PDE1C: variants seen among roughly 807,000 people sequenced by gnomAD.
PDE1C encodes the protein dual specificity calcium/calmodulin-dependent 3',5'-cyclic nucleotide phosphodiesterase 1C.
A neutral mutation model predicts 93.1 loss-of-function variants in PDE1C; 62 were observed. That is an observed-to-expected ratio of 0.67 (90% CI 0.54 to 0.82). The LOEUF is 0.82. Ranked by LOEUF, PDE1C falls within the 40% of genes least tolerant of loss-of-function variation. The pLI is 0.00. For synonymous variants in PDE1C, 325 were observed against 310.1 expected (o/e 1.05, Z -0.50); for missense variants, 742 against 884.6 (o/e 0.84, Z 2.04).
chr7:31,652,469 T>TGCCA, the PDE1C span: 1 of 1,525,606 alleles, frequency 6.6e-7, no homozygotes, highest in Non-Finnish European at 8.8e-7. Flanking sequence ...AGCTGTTTGG[T>TGCCA]GCCAATGTGA....
chr7:31,806,507 T>C (rs1160929434), intron 16 of PDE1C, among the ~76,000 whole-genome samples: 1 of 151,958 alleles, frequency 6.6e-6, no homozygotes, highest in Non-Finnish European at 1.5e-5. Flanking sequence ...ATCCATTCTT[T>C]GAAGTCAGTT....
At chr7:31,948,477 TC>T (rs34059080) in intron 2 of PDE1C, among the ~76,000 whole-genome samples, 14,880 of 152,250 alleles carry the variant, frequency 0.098, 935 homozygotes, top group Admixed American at 0.21. Context: ...ATTTTATTGA[TC>T]TCATTTGGAA....
chr7:31,990,401 C>CA (rs900764826), intron 2 of PDE1C, among the ~76,000 whole-genome samples: 4 of 152,104 alleles, frequency 2.6e-5, no homozygotes, highest in African/African-American at 9.7e-5. Flanking sequence ...TAGGCCTCCC[C>CA]AGCCATGTGG....
rs59580872 is a variant in PDE1C at position 32,047,062 on chromosome 7, A to AGTGTGTGTGTGTGTGTGT, written c.128+4474_128+4491dup. 3.6e-3 allele frequency among the ~76,000 whole-genome samples: 520 copies of AGTGTGTGTGTGTGTGTGT among 145,946 alleles called. 6 individuals carry two copies. The highest frequency in any genetic ancestry group is 0.012 in the African/African-American group (479 of 39,684). On this transcript the variant is annotated intron_variant, in intron 2 of 17. Transcript: ENST00000396191. The stretch of plus-strand genomic sequence containing the variant: ...GTGTGTGTGTGTGTGTGCGAGACAG[A>AGTGTGTGTGTGTGTGTGT]GTGTGTGTGTGTGTGTGTGTGTGTG...
At chr7:32,219,565 G>A (rs561634908) in intron 1 of PDE1C, among the ~76,000 whole-genome samples, 6 of 152,252 alleles carry the variant, frequency 3.9e-5, no homozygotes, top group African/African-American at 7.2e-5. Flanking sequence ...GCCAGCAATC[G>A]CTCCAAAGCA....
At chr7:31,675,150 G>A in the PDE1C span, among the ~76,000 whole-genome samples, 124,996 of 152,144 alleles carry the variant, frequency 0.82, 51,906 homozygotes, top group African/African-American at 0.95. Context: ...TTGGTCACGG[G>A]CTTCAGAGCT....
At chr7:32,209,522 C>G in exon 2 of PDE1C, 1 of 1,570,906 alleles carries the variant, frequency 6.4e-7, no homozygotes, top group Non-Finnish European at 8.6e-7. Context: ...GCATTCTTGT[C>G]TCCAGCTTCA....
In PDE1C at chr7:32,049,589, A is replaced by G. The variant is rs548610834; in HGVS notation, c.128+1965T>C. Among the ~76,000 whole-genome samples, 10 of 152,278 alleles carry G rather than the reference A, an allele frequency of 6.6e-5. No individual in the cohort carries two copies. In the South Asian group the frequency reaches 1.9e-3, roughly 28 times the overall value. ...CTGGAGGAGACCATGCAACACAGGA[A>G]TCTCTACTGTGAGATGACGCTCATT... On this transcript the variant is annotated intron_variant, in intron 2 of 17. Coordinates refer to ENST00000396191, the MANE Select transcript of PDE1C (RefSeq NM_001191057.4).
chr7:32,105,185 CCT>C (rs1250027498), intron 3 of PDE1C, among the ~76,000 whole-genome samples: 3 of 152,146 alleles, frequency 2.0e-5, no homozygotes, highest in Non-Finnish European at 2.9e-5. Flanking sequence ...ACACTTACCC[CCT>C]TTCTCTCCTA....
chr7:31,953,787 A>G (rs1375547177), intron 2 of PDE1C, among the ~76,000 whole-genome samples: 1 of 152,200 alleles, frequency 6.6e-6, no homozygotes, highest in African/African-American at 2.4e-5. Context: ...GTGAAAAAGT[A>G]AACCAGAAAA....
At position 31,837,194 on chromosome 7, in the gene PDE1C, C is replaced by T. The variant is rs757541653; in HGVS notation, c.1189G>A (p.Glu397Lys). The change falls in exon 11 of 18, where the codon GAG (glutamate) becomes AAG (lysine). Residue 397 changes from glutamate (E) to lysine (K), a missense_variant. Glu to Lys is a moderately conservative substitution (Grantham distance 56, BLOSUM62 1). Transcript: ENST00000396191. ...CAACAAGGTACCTGTCTGAAGAACTCCTCCAGGAGTGACATTGTCCAGCGA... is the reference window on the plus strand; with the variant it reads ...CAACAAGGTACCTGTCTGAAGAACTTCTCCAGGAGTGACATTGTCCAGCGA... ...HHRWTMSLLE[E>K]FFRQGDREAE... The T allele has an allele frequency of 6.2e-7, 1 of 1,613,506 alleles. No individual in the cohort carries two copies. Among genetic ancestry groups the T allele is most frequent in the Non-Finnish European group, 8.5e-7 (1 of 1,179,672 alleles).
chr7:32,095,893 C>G (rs1194348592), intron 3 of PDE1C, among the ~76,000 whole-genome samples: 1 of 152,188 alleles, frequency 6.6e-6, no homozygotes, highest in East Asian at 1.9e-4. Flanking sequence ...CATCTAGCTC[C>G]TCTCCAGTCT....
chr7:32,176,699 G>A lies in PDE1C; in HGVS notation c.137-6743C>T, dbSNP rs569767976. The stretch of plus-strand genomic sequence containing the variant: ...ATCAACTCTAAATATGCACACACAC[G>A]TACTCACACACACACAGCAGAGAAA... On this transcript the variant is annotated intron_variant, in intron 2 of 18. Transcript: ENST00000396193. Among the ~76,000 whole-genome samples, 188 of 149,708 alleles carry A rather than the reference G, an allele frequency of 1.3e-3. 2 individuals are homozygous for A. The East Asian group carries it at 0.026, about 21-fold the overall frequency.
At chr7:31,815,767 A>G (rs1788166710) in intron 15 of PDE1C, among the ~76,000 whole-genome samples, 157 bp downstream of exon 15, 1 of 152,070 alleles carries the variant, frequency 6.6e-6, no homozygotes, top group African/African-American at 2.4e-5. Context: ...CTTCTGCTGG[A>G]ATCCTGCAGC....
At chr7:31,670,162 T>C in the PDE1C span, among the ~76,000 whole-genome samples, 2 of 152,206 alleles carry the variant, frequency 1.3e-5, no homozygotes, top group Non-Finnish European at 2.9e-5. Context: ...CTGAAATACC[T>C]GGGACCAGAA....
chr7:32,051,889 C>T (rs1793430444), intron 1 of PDE1C, among the ~76,000 whole-genome samples: 1 of 152,132 alleles, frequency 6.6e-6, no homozygotes, highest in African/African-American at 2.4e-5. Context: ...TTAAAGACCA[C>T]AAAATCTAGG....
intron 1 of PDE1C, among the ~76,000 whole-genome samples, chr7:32,309,677 T>A (rs1813118323): frequency 6.6e-6 from 1 of 152,242 alleles, no homozygotes; most frequent in Non-Finnish European, 1.5e-5. Flanking sequence ...AGAAATAAAA[T>A]ACTTTACAGA....
At chr7:32,188,526 T>C (rs1164045969) in intron 2 of PDE1C, among the ~76,000 whole-genome samples, 1 of 152,180 alleles carries the variant, frequency 6.6e-6, no homozygotes, top group Non-Finnish European at 1.5e-5. Context: ...AGTGAGGATT[T>C]TATTTTAATT....
intron 1 of PDE1C, among the ~76,000 whole-genome samples, chr7:32,387,494 GGGCGGGGGGCT>G (rs1784653390): frequency 6.9e-6 from 1 of 145,316 alleles, no homozygotes; most frequent in African/African-American, 2.6e-5. Context: ...GCGGCTGGCC[GGGCGGGGGGCT>G]GACCCCCCCA....
Sources: allele counts gnomAD v4.1 joint callset (sites outside exome capture counted in the v4.1 genomes callset), GRCh38; gene constraint gnomAD v4.1.1; transcripts MANE v1.5; gene names NCBI Gene and HGNC (gene_info 2026-07-23, HGNC 2026-07-21).